Variants in DNA2 observed in about 807,000 individuals in gnomAD.
The protein encoded by DNA2 is DNA replication helicase/nuclease 2.
In DNA2, 101 loss-of-function variants were observed where a neutral mutation model predicts 119.1. That is an observed-to-expected ratio of 0.85 (90% CI 0.72 to 1.00). The LOEUF (loss-of-function observed/expected upper bound fraction) is 1.00, where lower values mean the gene tolerates loss of function less well. Among genes scored for constraint, DNA2 ranks in the 50% least tolerant of loss-of-function variants. DNA2 has a pLI of 0.00. For missense variants in DNA2, 1,121 were observed against 1,255.5 expected, an observed-to-expected ratio of 0.89 and a Z score of 1.62; for synonymous variants, 366 against 424.4, an observed-to-expected ratio of 0.86 and a Z score of 1.69.
rs1435383030 is a variant in DNA2 at position 68,436,899 on chromosome 10, A to G, written c.1646+112T>C. On this transcript the variant is annotated intron_variant, in intron 10 of 20. Transcript: ENST00000358410. ...AGTTGATTGTGGTGATAGCTGCACA[A>G]CGCTGTGAATATACTAAAAACCAGC... 13 of 810,972 alleles carry G rather than the reference A, an allele frequency of 1.6e-5. No individual in the cohort carries two copies. In the East Asian group the frequency reaches 1.8e-4, roughly 11 times the overall value. The allele number at this position is 810,972 out of a possible 1,614,324, so 50.2% of individuals were successfully genotyped here.
At chr10:68,436,195 T>C (rs1237048699) in intron 10 of DNA2, among the ~76,000 whole-genome samples, 1 of 152,126 alleles carries the variant, frequency 6.6e-6, no homozygotes. Flanking sequence ...GGTGAATGGA[T>C]GAACAAAATG....
intron 5 of DNA2, among the ~76,000 whole-genome samples, chr10:68,455,192 C>A (rs1239435212): frequency 6.6e-6 from 1 of 151,976 alleles, no homozygotes; most frequent in Non-Finnish European, 1.5e-5. Flanking sequence ...CCCACCTCAG[C>A]CACCCAAAGT....
chr10:68,448,381 A>T (rs1048480204), intron 6 of DNA2, among the ~76,000 whole-genome samples: 1 of 152,206 alleles, frequency 6.6e-6, no homozygotes, highest in African/African-American at 2.4e-5. Context: ...GTAAGTCAAT[A>T]TAGCAAGACC....
intron 4 of DNA2, among the ~76,000 whole-genome samples, chr10:68,465,227 C>T (rs2052313372): frequency 9.2e-6 from 1 of 108,710 alleles, no homozygotes; most frequent in Non-Finnish European, 1.9e-5. Context: ...ACCATGTTAG[C>T]CAGGATGGTC....
In DNA2 at chr10:68,471,891, G is replaced by T. The variant is rs759216617; in HGVS notation, c.-27C>A. ...CTGGACGCGGGGATCGCAAACTGTA[G>T]ACAGAAAAGACAGCGGAACCGGGGG... On this transcript the variant is annotated 5_prime_UTR_variant, in exon 1 of 21. Coordinates refer to ENST00000358410, the MANE Select transcript of DNA2 (RefSeq NM_001080449.3). The T allele has an allele frequency of 6.2e-7, 1 of 1,613,926 alleles. No individual in the cohort carries two copies. The highest frequency in any genetic ancestry group is 1.1e-5 in the South Asian group (1 of 91,084).
chr10:68,414,789 A>G lies in DNA2; in HGVS notation c.*250T>C. Reference sequence around the variant, plus strand: ...AAATTAGTCCTGAAATGTCTGACTTAAAAGTTTAAAGCTCAAAGTCAAAAG... The same window carrying G: ...AAATTAGTCCTGAAATGTCTGACTTGAAAGTTTAAAGCTCAAAGTCAAAAG... On this transcript the variant is annotated 3_prime_UTR_variant, in exon 21 of 21. Coordinates refer to ENST00000358410, the MANE Select transcript of DNA2 (RefSeq NM_001080449.3). 1 of 376,176 alleles carries G rather than the reference A, an allele frequency of 2.7e-6. No individual in the cohort carries two copies. The highest frequency in any genetic ancestry group is 8.9e-5 in the South Asian group (1 of 11,224). 23.3% of individuals were successfully genotyped at this position (376,176 alleles called of 1,614,324 possible).
rs559870776 is a variant in DNA2, at chr10:68,465,906, T to G, written c.442-94A>C. 1.1e-3 allele frequency: 1,234 copies of G among 1,148,226 alleles called. 1 individual carries two copies. Among genetic ancestry groups the G allele is most frequent in the Non-Finnish European group, 1.3e-3 (1,182 of 886,296 alleles). The allele number at this position is 1,148,226 out of a possible 1,614,324, so 71.1% of individuals were successfully genotyped here. On this transcript the variant is annotated intron_variant, in intron 3 of 20. Transcript: ENST00000358410. ...ATCTATTAAACCACCATAGCCAAAA[T>G]GCACTGGTAAGACAAATGCCAAAAT...
At chr10:68,449,932 C>T (rs2052095299) in intron 6 of DNA2, 96 bp downstream of exon 6, 1 of 882,350 alleles carries the variant, frequency 1.1e-6, no homozygotes, top group Non-Finnish European at 1.7e-6. Flanking sequence ...CAAGACCACG[C>T]CACTGCTCTC....
chr10:68,442,062 G>A (rs1311372896), intron 9 of DNA2, among the ~76,000 whole-genome samples: 2 of 151,646 alleles, frequency 1.3e-5, no homozygotes, highest in African/African-American at 4.8e-5. Context: ...CTACAGACAT[G>A]CACGACCACA....
At chr10:68,435,210 C>T (rs937358495) in intron 10 of DNA2, among the ~76,000 whole-genome samples, 1 of 151,910 alleles carries the variant, frequency 6.6e-6, no homozygotes, top group African/African-American at 2.4e-5. Flanking sequence ...TGCACCACCT[C>T]CTAATTTTTG....
At chr10:68,458,458 C>T (rs930699109) in intron 5 of DNA2, among the ~76,000 whole-genome samples, 11 of 145,640 alleles carry the variant, frequency 7.6e-5, no homozygotes, top group Non-Finnish European at 1.2e-4. Context: ...GCTTGAACCC[C>T]GGGAGGCGGA....
In DNA2 at chr10:68,450,039, G is replaced by T; in HGVS notation, c.928C>A (p.His310Asn). ...KTGKESNSIE[H>N]RSQVVLYTLL... ...ATTAACATTTATACCTGACTACGGT[G>T]TTCAATAGAATTTGATTCTTTGCCA... The change falls in exon 6 of 21, where the codon CAC (histidine) becomes AAC (asparagine). Residue 310 changes from histidine (H) to asparagine (N), a missense_variant. By Grantham distance (68) the His-to-Asn change is moderately conservative (BLOSUM62 1). Transcript: ENST00000358410. The T allele has an allele frequency of 6.4e-7, 1 of 1,568,108 alleles. No homozygotes were observed. Among genetic ancestry groups the T allele is most frequent in the Non-Finnish European group, 8.7e-7 (1 of 1,148,596 alleles).
chr10:68,446,038 C>T (rs551610528), intron 7 of DNA2, among the ~76,000 whole-genome samples: 10 of 152,162 alleles, frequency 6.6e-5, no homozygotes, highest in Non-Finnish European at 1.0e-4. Context: ...GCAGGAGAAT[C>T]GATTCAACCC....
At chr10:68,459,015 A>AGT in intron 5 of DNA2, 89 bp downstream of exon 5, 1 of 1,189,856 alleles carries the variant, frequency 8.4e-7, no homozygotes, top group Non-Finnish European at 1.1e-6. Flanking sequence ...GTAATTACTC[A>AGT]ATCTTTAAAA....
At chr10:68,420,255 G>A (rs567143887) in intron 17 of DNA2, among the ~76,000 whole-genome samples, 1 of 152,172 alleles carries the variant, frequency 6.6e-6, no homozygotes, top group East Asian at 1.9e-4. Context: ...TGAACTTAGG[G>A]TGGCCGGGCG....
intron 17 of DNA2, among the ~76,000 whole-genome samples, chr10:68,420,792 A>G (rs1367196518): frequency 6.6e-6 from 1 of 152,104 alleles, no homozygotes; most frequent in Non-Finnish European, 1.5e-5. Context: ...AAACAAAAAC[A>G]AAAACAAAAA....
chr10:68,454,293 T>C (rs1381421854), intron 5 of DNA2, among the ~76,000 whole-genome samples: 1 of 151,976 alleles, frequency 6.6e-6, no homozygotes, highest in Non-Finnish European at 1.5e-5. Flanking sequence ...GTTTGCAGAA[T>C]TTATTAACCC....
chr10:68,426,010 C>T (rs575375099), intron 14 of DNA2, among the ~76,000 whole-genome samples: 1 of 151,796 alleles, frequency 6.6e-6, no homozygotes, highest in African/African-American at 2.4e-5. Context: ...GTAGTGCATG[C>T]CTGTAGTCCC....
intron 2 of DNA2, among the ~76,000 whole-genome samples, chr10:68,469,328 G>A (rs1380338174): frequency 2.7e-5 from 4 of 148,608 alleles, no homozygotes; most frequent in Admixed American, 2.0e-4. Flanking sequence ...GGCGGATCAC[G>A]AGGTCAGGGG....
Sources: allele counts gnomAD v4.1 joint callset (sites outside exome capture counted in the v4.1 genomes callset), GRCh38; gene constraint gnomAD v4.1.1; transcripts MANE v1.5; gene names NCBI Gene and HGNC (gene_info 2026-07-23, HGNC 2026-07-21).